The following KPNA7 variants were observed in gnomAD, a reference collection of about 807,000 sequenced individuals.
KPNA7 encodes the protein importin subunit alpha-8.
In KPNA7, 54 loss-of-function variants were observed where a neutral mutation model predicts 53.7. The ratio of observed to expected loss-of-function variants is 1.01; its 90% confidence interval spans 0.81 to 1.26. The LOEUF (loss-of-function observed/expected upper bound fraction) is 1.26. Ranked by LOEUF, KPNA7 falls within the 50% of genes most tolerant of loss-of-function variation. The pLI, the probability that KPNA7 is intolerant of heterozygous loss-of-function variation, is 0.00. For missense variants in KPNA7, 640 were observed against 644.5 expected, an observed-to-expected ratio of 0.99 and a Z score of 0.07; for synonymous variants, 276 against 259.3, an observed-to-expected ratio of 1.06 and a Z score of -0.62.
At chr7:99,165,655 C>T in the KPNA7 span, among the ~76,000 whole-genome samples, 1 of 152,178 alleles carries the variant, frequency 6.6e-6, no homozygotes, top group Non-Finnish European at 1.5e-5. Context: ...CCACCAAAGA[C>T]CTGCTTTGGG....
At chr7:99,147,747 C>G in the KPNA7 span, among the ~76,000 whole-genome samples, 1 of 152,114 alleles carries the variant, frequency 6.6e-6, no homozygotes, top group South Asian at 2.1e-4. Flanking sequence ...GCTGAGATTG[C>G]ACTGCTGCCC....
chr7:99,214,268 T>TA (rs1312870259), intron 1 of KPNA7, among the ~76,000 whole-genome samples: 1 of 126,524 alleles, frequency 7.9e-6, no homozygotes, highest in African/African-American at 3.1e-5. Context: ...CCGTCTCTAC[T>TA]AAAAATATAC....
At chr7:99,185,509 G>C (rs946089044) in intron 7 of KPNA7, among the ~76,000 whole-genome samples, 2 of 152,094 alleles carry the variant, frequency 1.3e-5, no homozygotes, top group Non-Finnish European at 2.9e-5. Context: ...ACCATGCCCG[G>C]CTAATTTTTA....
chr7:99,193,913 A>C (rs1308739491), intron 5 of KPNA7, among the ~76,000 whole-genome samples: 1 of 152,276 alleles, frequency 6.6e-6, no homozygotes, highest in East Asian at 1.9e-4. Flanking sequence ...CCTGGGCTCA[A>C]GCCATCCTCC....
At chr7:99,174,654 T>C (rs1441370368) in intron 10 of KPNA7, among the ~76,000 whole-genome samples, 1 of 152,174 alleles carries the variant, frequency 6.6e-6, no homozygotes, top group African/African-American at 2.4e-5. Context: ...TGTGAGTAGC[T>C]TGTTTTTAAA....
intron 6 of KPNA7, among the ~76,000 whole-genome samples, chr7:99,189,057 G>C (rs374910549): frequency 6.6e-6 from 1 of 152,166 alleles, no homozygotes; most frequent in Non-Finnish European, 1.5e-5. Flanking sequence ...AACGAGGTTC[G>C]TATTTCACAT....
At chr7:99,151,121 G>T in the KPNA7 span, among the ~76,000 whole-genome samples, 1 of 152,150 alleles carries the variant, frequency 6.6e-6, no homozygotes, top group Non-Finnish European at 1.5e-5. Flanking sequence ...TTCCTGCTTA[G>T]TGAACATGAC....
chr7:99,172,681 T>C (rs561010564), downstream of KPNA7, among the ~76,000 whole-genome samples: 1 of 152,062 alleles, frequency 6.6e-6, no homozygotes, highest in Non-Finnish European at 1.5e-5. Flanking sequence ...ATCTTGTCAG[T>C]GTCAGGATAT....
At chr7:99,155,297 G>T in the KPNA7 span, among the ~76,000 whole-genome samples, 1 of 152,136 alleles carries the variant, frequency 6.6e-6, no homozygotes, top group African/African-American at 2.4e-5. Flanking sequence ...TGAACCATCT[G>T]TTCCAGTCTA....
chr7:99,192,984 T>A lies in KPNA7; in HGVS notation c.636+35A>T, dbSNP rs535330578. On this transcript the variant is annotated intron_variant, in intron 6 of 10. Transcript: ENST00000327442. Reference sequence around the variant, plus strand: ...TTAAGATTATTTTAAAATTTTAATTTAAAAAAAAAAAAAGAGAAAGAAAAA... The same window carrying A: ...TTAAGATTATTTTAAAATTTTAATTAAAAAAAAAAAAAAGAGAAAGAAAAA... The A allele has an allele frequency of 5.4e-3, 6,144 of 1,128,332 alleles. 9 individuals are homozygous for A. The highest frequency in any genetic ancestry group is 6.8e-3 in the Non-Finnish European group (5,624 of 827,636). 69.9% of individuals were successfully genotyped at this position (1,128,332 alleles called of 1,614,324 possible). A position where few individuals can be genotyped will look rare whatever the true frequency, so the allele number is the denominator to read the frequency against.
intron 6 of KPNA7, among the ~76,000 whole-genome samples, chr7:99,190,193 C>T (rs1584287088): frequency 6.6e-6 from 1 of 151,918 alleles, no homozygotes; most frequent in East Asian, 1.9e-4. Flanking sequence ...AAAAATTAGC[C>T]AGGCGGGGTG....
chr7:99,191,457 G>A (rs1037726881), intron 6 of KPNA7, among the ~76,000 whole-genome samples: 4 of 151,964 alleles, frequency 2.6e-5, no homozygotes, highest in Admixed American at 6.6e-5. Flanking sequence ...ATAATTCTAC[G>A]GCAGGCAACC....
chr7:99,171,493 G>C (rs1228200703), downstream of KPNA7, among the ~76,000 whole-genome samples: 3 of 152,176 alleles, frequency 2.0e-5, no homozygotes, highest in African/African-American at 7.2e-5. Flanking sequence ...CCAGGCTGGA[G>C]TGCAGTGGCA....
At chr7:99,174,455 C>T (rs1563062554) in intron 10 of KPNA7, among the ~76,000 whole-genome samples, 3 of 152,296 alleles carry the variant, frequency 2.0e-5, no homozygotes, top group Admixed American at 6.5e-5. Flanking sequence ...CCCTCACCCC[C>T]CAGCCTGTGG....
intron 8 of KPNA7, among the ~76,000 whole-genome samples, chr7:99,182,740 G>A (rs961053512): frequency 6.6e-6 from 1 of 152,124 alleles, no homozygotes; most frequent in Non-Finnish European, 1.5e-5. Context: ...AGGCTCATTT[G>A]CCCACATCAG....
intron 2 of KPNA7, among the ~76,000 whole-genome samples, chr7:99,206,083 T>C (rs1258140023): frequency 6.6e-6 from 1 of 152,188 alleles, no homozygotes; most frequent in Non-Finnish European, 1.5e-5. Context: ...TTGGTAAGCC[T>C]CATTGACGTG....
the KPNA7 span, among the ~76,000 whole-genome samples, chr7:99,146,061 C>T: frequency 6.6e-6 from 1 of 152,176 alleles, no homozygotes; most frequent in African/African-American, 2.4e-5. Context: ...GTCTCTAATG[C>T]TCCCAAGTAA....
downstream of KPNA7, among the ~76,000 whole-genome samples, chr7:99,171,752 T>C (rs1798775670): frequency 6.6e-6 from 1 of 152,120 alleles, no homozygotes; most frequent in Non-Finnish European, 1.5e-5. Context: ...TAAGACCTTG[T>C]CCCTAAAATA....
At position 99,177,954 on chromosome 7, in the gene KPNA7, G is replaced by A. The variant is rs1475158567; in HGVS notation, c.1430C>T (p.Ser477Leu). 6 of 1,551,872 alleles carry A rather than the reference G, an allele frequency of 3.9e-6. No individual in the cohort carries two copies. The highest frequency in any genetic ancestry group is 4.4e-6 in the Non-Finnish European group (5 of 1,147,036). The change falls in exon 10 of 11, where the codon TCG becomes TTG. Residue 477 changes from serine (S) to leucine (L), a missense_variant. By Grantham distance (145) the Ser-to-Leu change is moderately radical. Transcript: ENST00000327442. ...QLHENRQIGQSALNIIEKHFG... is the reference protein window; with the variant it reads ...QLHENRQIGQLALNIIEKHFG... ...GTGCTTCTCGATGATGTTCAAAGCC[G>A]ACTGGCCAATTTGACGGTTCTCATG...
Sources: gnomAD v4.1 joint callset for allele counts (sites outside exome capture counted in the v4.1 genomes callset) on GRCh38, gnomAD v4.1.1 for gene constraint, MANE v1.5 for transcripts, NCBI Gene and HGNC (gene_info 2026-07-23, HGNC 2026-07-21) for gene names.